The following AKAP1 variants were observed in gnomAD, a reference collection of about 807,000 sequenced individuals.
The protein encoded by AKAP1 is A-kinase anchor protein 1, mitochondrial.
AKAP1 carries 32 observed loss-of-function variants against 79.8 expected under a neutral mutation model. That is an observed-to-expected ratio of 0.40 (90% CI 0.30 to 0.54). AKAP1 has a LOEUF of 0.54. AKAP1 is among the 20% of genes least tolerant of loss of function. The probability of loss-of-function intolerance (pLI) is 0.47; values close to 1 mark genes in which losing one functional copy is unlikely to be tolerated. For missense variants in AKAP1, 961 were observed against 1,138.9 expected, an observed-to-expected ratio of 0.84 and a Z score of 2.25; for synonymous variants, 416 against 466.7, an observed-to-expected ratio of 0.89 and a Z score of 1.40.
Position 57,105,895 on chromosome 17 carries a change from C to T in AKAP1, c.431C>T (p.Pro144Leu), listed in dbSNP as rs764689450. 1 of 1,614,238 alleles carries T rather than the reference C, an allele frequency of 6.2e-7. No homozygotes were observed. Residue 144 changes from proline to leucine, a missense_variant, in exon 2 of 11, where the codon CCT (proline) becomes CTT (leucine). Coordinates refer to ENST00000337714, the MANE Select transcript of AKAP1 (RefSeq NM_003488.4). The part of the protein sequence containing the change: ...ALTGGEAKSI[P>L]LECPLSSPKG... Reference sequence around the variant, plus strand: ...ACAGGTGGTGAAGCCAAATCGATTCCTCTAGAGTGCCCCCTTTCATCCCCA... The same window carrying T: ...ACAGGTGGTGAAGCCAAATCGATTCTTCTAGAGTGCCCCCTTTCATCCCCA...
In AKAP1 at chr17:57,105,907, C is replaced by T. The variant is rs1445817638; in HGVS notation, c.443C>T (p.Pro148Leu). 2 of 1,614,074 alleles carry T rather than the reference C, an allele frequency of 1.2e-6. No individual in the cohort carries two copies. The highest frequency in any genetic ancestry group is 2.7e-5 in the African/African-American group (2 of 74,920). The change falls in exon 2 of 11, where the codon CCC (proline) becomes CTC (leucine). Residue 148 changes from proline to leucine, a missense_variant. Around this residue, in one of 3 missense-constraint regions of AKAP1, gnomAD observed 224 missense variants for 210.2 expected, o/e 1.07. Coordinates refer to ENST00000337714, the MANE Select transcript of AKAP1 (RefSeq NM_003488.4). ...GCCAAATCGATTCCTCTAGAGTGCCCCCTTTCATCCCCAAAGGGTGTACTA... is the reference window on the plus strand; with the variant it reads ...GCCAAATCGATTCCTCTAGAGTGCCTCCTTTCATCCCCAAAGGGTGTACTA... ...GEAKSIPLEC[P>L]LSSPKGVLFS... is the part of the protein sequence containing the mutation.
intron 8 of AKAP1, among the ~76,000 whole-genome samples, chr17:57,117,751 G>A (rs910428158): frequency 2.6e-5 from 4 of 152,044 alleles, no homozygotes; most frequent in African/African-American, 7.2e-5. Context: ...TTTCTCCTTC[G>A]TAAGATTTTC....
intron 1 of AKAP1, among the ~76,000 whole-genome samples, chr17:57,089,264 A>T (rs1439642012): frequency 6.6e-6 from 1 of 152,144 alleles, no homozygotes; most frequent in African/African-American, 2.4e-5. Context: ...TGGGTAGTAC[A>T]TGTCAAAGAC....
At chr17:57,119,092 G>A (rs375406586) in intron 10 of AKAP1, 48 bp downstream of exon 10, 5 of 1,581,046 alleles carry the variant, frequency 3.2e-6, no homozygotes, top group Non-Finnish European at 3.5e-6. Context: ...CCGAAGTAAT[G>A]GATTGATTAG....
intron 9 of AKAP1, 107 bp downstream of exon 9, chr17:57,118,561 T>G (rs1321694242): frequency 1.8e-6 from 2 of 1,127,158 alleles, no homozygotes; most frequent in Non-Finnish European, 2.6e-6. Flanking sequence ...CAGCAGTATT[T>G]AAGGAAAGGT....
rs767063716 is a variant in AKAP1, at chr17:57,116,921, C to A, written c.2494C>A (p.Leu832Met). 47 of 1,613,970 alleles carry A rather than the reference C, an allele frequency of 2.9e-5. No homozygotes were observed. In the South Asian group the frequency reaches 4.9e-4, roughly 17 times the overall value. ...AGTCCTTCTGGACAGTGTGATGCCC[C>A]TGTCAGGTAACAGCTGAGGCCTTTG... ...AEVLLDSVMPLSDDDQFSPEA... is the reference protein window; with the variant it reads ...AEVLLDSVMPMSDDDQFSPEA... Residue 832 changes from leucine (L) to methionine (M), a missense_variant, in exon 8 of 11, where the codon CTG (leucine) becomes ATG (methionine). Physicochemically the swap from Leu to Met is conservative, Grantham distance 15. Transcript: ENST00000337714.
chr17:57,094,077 CT>C (rs1913943803), intron 1 of AKAP1: 1 of 151,812 alleles, frequency 6.6e-6, no homozygotes, highest in Non-Finnish European at 1.5e-5. Context: ...TCCTTAGTTT[CT>C]TTTGCTTAAT....
At chr17:57,107,297 T>C in intron 2 of AKAP1, 119 bp downstream of exon 2, 1 of 1,394,386 alleles carries the variant, frequency 7.2e-7, no homozygotes, top group Non-Finnish European at 9.7e-7. Context: ...GCTCTTCAGC[T>C]CTTTATCGCA....
rs1914933544 is a variant in AKAP1, at chr17:57,107,058, A to G, written c.1594A>G (p.Ile532Val). 1 of 1,614,014 alleles carries G rather than the reference A, an allele frequency of 6.2e-7. No individual in the cohort carries two copies. Among genetic ancestry groups the G allele is most frequent in the Admixed American group, 1.7e-5 (1 of 59,992 alleles). Residue 532 changes from isoleucine (I) to valine (V), a missense_variant, in exon 2 of 11, where the codon ATC becomes GTC. Physicochemically the swap from Ile to Val is conservative, Grantham distance 29. Around this residue, in one of 3 missense-constraint regions of AKAP1, gnomAD observed 629 missense variants for 781.1 expected, o/e 0.81. Coordinates refer to ENST00000337714, the MANE Select transcript of AKAP1 (RefSeq NM_003488.4). ...CAGCTCGAGCCCCAGGGACAAGGCC[A>G]TCACCCCGCCACTGCCAGAAAGTAC... Reference protein sequence around the residue: ...ETSSSPRDKAITPPLPESTVP... With the variant: ...ETSSSPRDKAVTPPLPESTVP...
At chr17:57,107,900 C>T (rs1403916711) in intron 2 of AKAP1, 70 of 1,229,228 alleles carry the variant, frequency 5.7e-5, no homozygotes, top group Non-Finnish European at 7.2e-5. Flanking sequence ...CCTGAGTTGT[C>T]GCTGTCACCT....
At chr17:57,108,421 T>C (rs1283549422) in intron 2 of AKAP1, among the ~76,000 whole-genome samples, 1 of 152,208 alleles carries the variant, frequency 6.6e-6, no homozygotes, top group Non-Finnish European at 1.5e-5. Flanking sequence ...GTGATTTTTA[T>C]TTTATTTATT....
intron 6 of AKAP1, among the ~76,000 whole-genome samples, chr17:57,115,794 G>T (rs1353818160): frequency 1.3e-5 from 2 of 152,174 alleles, no homozygotes; most frequent in Non-Finnish European, 2.9e-5. Context: ...TATTTACTTG[G>T]TTTATTCCTA....
rs1036422001 is a variant in AKAP1 at position 57,113,594 on chromosome 17, CTTT to C, written c.2104-841_2104-839del. Among the ~76,000 whole-genome samples the C allele has an allele frequency of 8.7e-3, 719 of 82,348 alleles. 4 individuals are homozygous for C. Among genetic ancestry groups the C allele is most frequent in the African/African-American group, 0.04 (668 of 16,884 alleles). The allele number at this position is 82,348 out of a possible 152,430, so 54.0% of individuals were successfully genotyped here. On this transcript the variant is annotated intron_variant, in intron 5 of 10. Coordinates refer to ENST00000337714, the MANE Select transcript of AKAP1 (RefSeq NM_003488.4). ...GGAGGCTCGGTCGTAGACTCACTCT[CTTT>C]TTTTTTTTTTTTTTTTTTTTTTTGA...
At chr17:57,116,371 T>A in intron 7 of AKAP1, 110 bp downstream of exon 7, 1 of 1,363,122 alleles carries the variant, frequency 7.3e-7, no homozygotes, top group Non-Finnish European at 1.0e-6. Flanking sequence ...ACTTCTTCCC[T>A]CCTGCTGCCT....
intron 1 of AKAP1, chr17:57,085,654 CAGAT>C (rs1371711639): frequency 6.6e-6 from 1 of 152,196 alleles, no homozygotes; most frequent in East Asian, 1.9e-4. Flanking sequence ...GGGCTCCTGA[CAGAT>C]CGCGTGTGCG....
rs529568651 is a variant in AKAP1 at position 57,097,470 on chromosome 17, T to A, written c.-24-7971T>A. On this transcript the variant is annotated intron_variant, in intron 1 of 10. Coordinates refer to ENST00000337714, the MANE Select transcript of AKAP1 (RefSeq NM_003488.4). ...GCATCTGATACAAGCCAAGAGGCGCTTTTGGAATCTTGCGGAGAACTCCGA... is the reference window on the plus strand; with the variant it reads ...GCATCTGATACAAGCCAAGAGGCGCATTTGGAATCTTGCGGAGAACTCCGA... 1.2e-4 allele frequency among the ~76,000 whole-genome samples: 19 copies of A among 152,374 alleles called. No individual in the cohort carries two copies. The South Asian group carries it at 2.9e-3, about 23-fold the overall frequency.
At position 57,086,062 on chromosome 17, in the gene AKAP1, T is replaced by C. The variant is rs895141188; in HGVS notation, c.-25+664T>C. The stretch of plus-strand genomic sequence containing the variant: ...GGGCTGAGGGACCGTTCGAACCGAA[T>C]TGGGGTCTGGAGGTCGGAGGCTCAG... On this transcript the variant is annotated intron_variant, in intron 1 of 10. Coordinates refer to ENST00000337714, the MANE Select transcript of AKAP1 (RefSeq NM_003488.4). The surrounding 1 kb of genome is among the most constrained non-coding windows in gnomAD (Gnocchi z 5.1). 1.4e-5 allele frequency: 3 copies of C among 218,074 alleles called. No homozygotes were observed. The highest frequency in any genetic ancestry group is 7.2e-5 in the African/African-American group (3 of 41,668). 13.5% of individuals were successfully genotyped at this position (218,074 alleles called of 1,614,324 possible). A position where few individuals can be genotyped will look rare whatever the true frequency, so the allele number is the denominator to read the frequency against.
rs1913379526 is a variant in AKAP1 at position 57,085,378 on chromosome 17, C to A, written c.-45C>A. 6.6e-6 allele frequency: 1 copy of A among 151,900 alleles called. No homozygotes were observed. The highest frequency in any genetic ancestry group is 1.5e-5 in the Non-Finnish European group (1 of 67,948). The allele number at this position is 151,900 out of a possible 1,614,324, so 9.4% of individuals were successfully genotyped here. On this transcript the variant is annotated 5_prime_UTR_variant, in exon 1 of 11. Coordinates refer to ENST00000337714, the MANE Select transcript of AKAP1 (RefSeq NM_003488.4). Reference sequence around the variant, plus strand: ...GCGCGCGGACTCCGCATCCCGCACCCCGATGGTAGCCGAGGAGCTGGTAGG... The same window carrying A: ...GCGCGCGGACTCCGCATCCCGCACCACGATGGTAGCCGAGGAGCTGGTAGG...
At chr17:57,120,109 A>G in intron 10 of AKAP1, 141 bp from the exon 11 acceptor site, 1 of 674,532 alleles carries the variant, frequency 1.5e-6, no homozygotes. Context: ...TACAGGCATG[A>G]GCCACTGCGT....
Sources: gnomAD v4.1 joint callset for allele counts (sites outside exome capture counted in the v4.1 genomes callset) on GRCh38, gnomAD v4.1.1 for gene constraint, gnomAD v4.1.1 regional missense constraint, Gnocchi (gnomAD v3.1) non-coding constraint, MANE v1.5 for transcripts, NCBI Gene and HGNC (gene_info 2026-07-23, HGNC 2026-07-21) for gene names.